Variants in FKBP6 observed in about 807,000 individuals in gnomAD.
FKBP6 encodes inactive peptidyl-prolyl cis-trans isomerase FKBP6.
A neutral mutation model predicts 41.7 loss-of-function variants in FKBP6; 29 were observed. The ratio of observed to expected loss-of-function variants is 0.70; its 90% CI spans 0.52 to 0.95. The LOEUF (loss-of-function observed/expected upper bound fraction) is 0.95. Ranked by LOEUF, FKBP6 falls within the 40% of genes least tolerant of loss-of-function variation. The probability of loss-of-function intolerance (pLI) is 0.00; values close to 1 mark genes in which losing one functional copy is unlikely to be tolerated. For missense variants in FKBP6, 338 were observed against 408.7 expected, an observed-to-expected ratio of 0.83 and a Z score of 1.49; for synonymous variants, 130 against 165.1, an observed-to-expected ratio of 0.79 and a Z score of 1.63.
chr7:73,350,966 CA>C (rs1472861215), intron 8 of FKBP6, among the ~76,000 whole-genome samples: 1 of 152,206 alleles, frequency 6.6e-6, no homozygotes, highest in East Asian at 1.9e-4. Context: ...CCCTTCTTCC[CA>C]AAGAGATTAA....
chr7:73,342,591 C>T (rs1247549574), intron 7 of FKBP6, among the ~76,000 whole-genome samples: 2 of 152,220 alleles, frequency 1.3e-5, no homozygotes, highest in African/African-American at 4.8e-5. Context: ...CTGTCCTTTC[C>T]AGTTAGGGGG....
intron 8 of FKBP6, among the ~76,000 whole-genome samples, chr7:73,355,426 CG>C (rs1265556692): frequency 6.6e-6 from 1 of 152,058 alleles, no homozygotes; most frequent in Non-Finnish European, 1.5e-5. Flanking sequence ...TTATTGGCTC[CG>C]ATTTGAAAAT....
intron 8 of FKBP6, among the ~76,000 whole-genome samples, chr7:73,355,336 A>G (rs1805599718): frequency 6.6e-6 from 1 of 152,190 alleles, no homozygotes. Flanking sequence ...TGTGCGATAC[A>G]TGTATTGGGT....
chr7:73,331,536 C>A, intron 4 of FKBP6, 121 bp from the exon 5 acceptor site: 1 of 905,116 alleles, frequency 1.1e-6, no homozygotes, highest in Non-Finnish European at 1.8e-6. Flanking sequence ...TAAATGGAGA[C>A]ATGTTCTCAC....
intron 8 of FKBP6, among the ~76,000 whole-genome samples, chr7:73,343,959 C>T (rs902535564): frequency 6.6e-6 from 1 of 152,204 alleles, no homozygotes; most frequent in African/African-American, 2.4e-5. Flanking sequence ...TCATAGCGGT[C>T]CATAAACTGC....
intron 5 of FKBP6, among the ~76,000 whole-genome samples, chr7:73,337,240 C>T (rs1197356409): frequency 4.0e-5 from 6 of 151,230 alleles, no homozygotes; most frequent in Admixed American, 6.6e-5. Flanking sequence ...AAGGGAGGAC[C>T]AAGGAAGGCT....
At chr7:73,330,523 T>A (rs1804806997) in intron 4 of FKBP6, among the ~76,000 whole-genome samples, 171 bp downstream of exon 4, 1 of 152,164 alleles carries the variant, frequency 6.6e-6, no homozygotes, top group Admixed American at 6.5e-5. Context: ...GTGTTTGTCT[T>A]AGTAATGGCT....
At chr7:73,330,511 CTG>C (rs1359667338) in intron 4 of FKBP6, among the ~76,000 whole-genome samples, 159 bp downstream of exon 4, 3 of 152,192 alleles carry the variant, frequency 2.0e-5, no homozygotes, top group East Asian at 3.9e-4. Flanking sequence ...GCTTCCTAGT[CTG>C]TGTTTGTCTT....
chr7:73,341,483 C>T, intron 7 of FKBP6, 101 bp downstream of exon 7: 1 of 847,916 alleles, frequency 1.2e-6, no homozygotes, highest in Non-Finnish European at 2.0e-6. Context: ...CGGTGTTGCC[C>T]AGAGTGTTAG....
At chr7:73,352,808 G>T (rs7795782) in intron 8 of FKBP6, among the ~76,000 whole-genome samples, 18,838 of 151,988 alleles carry the variant, frequency 0.12, 1,294 homozygotes, top group Middle Eastern at 0.18. Flanking sequence ...TCACTGTGAG[G>T]GCACCCACAG....
intron 8 of FKBP6, among the ~76,000 whole-genome samples, chr7:73,345,226 A>G (rs940779842): frequency 6.6e-6 from 1 of 151,578 alleles, no homozygotes; most frequent in South Asian, 2.1e-4. Context: ...CAGCCAGAAA[A>G]AAAAAAAAAA....
chr7:73,330,529 T>C (rs1804807363), intron 4 of FKBP6, among the ~76,000 whole-genome samples, 177 bp downstream of exon 4: 1 of 152,192 alleles, frequency 6.6e-6, no homozygotes, highest in African/African-American at 2.4e-5. Flanking sequence ...GTCTTAGTAA[T>C]GGCTCTCATG....
At chr7:73,342,980 C>T in intron 8 of FKBP6, 81 bp downstream of exon 8, 1 of 940,150 alleles carries the variant, frequency 1.1e-6, no homozygotes, top group East Asian at 2.4e-5. Flanking sequence ...TGAATGGTGG[C>T]TGTCTGCAGC....
At chr7:73,342,752 T>C (rs189517137) in intron 7 of FKBP6, 55 bp from the exon 8 acceptor site, 2 of 1,205,110 alleles carry the variant, frequency 1.7e-6, no homozygotes, top group Non-Finnish European at 2.5e-6. Flanking sequence ...AGCCACCAGA[T>C]GTCACCTCCT....
Position 73,342,788 on chromosome 7 carries a change from T to C in FKBP6, c.894-19T>C, listed in dbSNP as rs1554549778. The C allele has an allele frequency of 6.4e-7, 1 of 1,561,124 alleles. No individual in the cohort carries two copies. Among genetic ancestry groups the C allele is most frequent in the Admixed American group, 1.7e-5 (1 of 59,938 alleles). On this transcript the variant is annotated intron_variant, in intron 7 of 8. Coordinates refer to ENST00000252037, the MANE Select transcript of FKBP6 (RefSeq NM_003602.5). ...CCAAACACAGACCTCCTCTAACAAG[T>C]GTGTATTTCCCTCTCCAGCTGTTAC...
intron 8 of FKBP6, among the ~76,000 whole-genome samples, chr7:73,354,475 C>T (rs1390368196): frequency 2.6e-5 from 4 of 152,154 alleles, no homozygotes; most frequent in African/African-American, 9.7e-5. Flanking sequence ...GTGGAAGGGG[C>T]AGGTGGAGGA....
rs782740478 is a variant in FKBP6, at chr7:73,329,430, G to C, written c.246G>C (p.Arg82=). Residue 82 remains arginine, a synonymous_variant, in exon 3 of 9, where the codon CGG becomes CGC. Transcript: ENST00000252037. ...CTAATTACTTTAGGAAAACTCCTCG[G>C]CTAATGAAACTTGGAGAGGGTAGGT... ...FDSNYFRKTP[R]LMKLGEDITL... 3.7e-6 allele frequency: 6 copies of C among 1,603,008 alleles called. No individual in the cohort carries two copies. The highest frequency in any genetic ancestry group is 5.1e-6 in the Non-Finnish European group (6 of 1,169,914).
At chr7:73,339,654 C>G (rs1275113394) in intron 5 of FKBP6, among the ~76,000 whole-genome samples, 7 of 147,694 alleles carry the variant, frequency 4.7e-5, no homozygotes, top group South Asian at 2.2e-4. Context: ...TGCACTGTCA[C>G]CTAGGCTGGA....
chr7:73,342,330 C>T (rs1805215437), intron 7 of FKBP6, among the ~76,000 whole-genome samples: 1 of 152,188 alleles, frequency 6.6e-6, no homozygotes, highest in Non-Finnish European at 1.5e-5. Context: ...TAATATTAAA[C>T]ATTCGGTCCA....
Sources: gnomAD v4.1 joint callset for allele counts (sites outside exome capture counted in the v4.1 genomes callset) on GRCh38, gnomAD v4.1.1 for gene constraint, MANE v1.5 for transcripts, NCBI Gene and HGNC (gene_info 2026-07-23, HGNC 2026-07-21) for gene names.